The following SH3KBP1 variants were observed in gnomAD, a reference collection of about 807,000 sequenced individuals.
The protein encoded by SH3KBP1 is SH3 domain containing kinase binding protein 1.
In SH3KBP1, 8 loss-of-function variants were observed where a neutral mutation model predicts 50.1. The observed-to-expected ratio is 0.16, with a 90% CI of 0.09 to 0.29. The LOEUF (loss-of-function observed/expected upper bound fraction) is 0.29, where lower values mean the gene tolerates loss of function less well. Among genes scored for constraint, SH3KBP1 ranks in the 10% least tolerant of loss-of-function variants. The pLI is 1.00. For missense variants in SH3KBP1, 377 were observed against 535.2 expected (o/e 0.70, Z 2.92); for synonymous variants, 227 against 218.6 (o/e 1.04, Z -0.34).
chrX:19,542,511 A>G (rs2064950648), intron 15 of SH3KBP1, among the ~76,000 whole-genome samples: 1 of 112,077 alleles, frequency 8.9e-6, no homozygotes, highest in African/African-American at 3.2e-5. Flanking sequence ...ACATGCCTTA[A>G]TAGGCATTCT....
At chrX:19,732,644 T>C (rs1039860481) in intron 3 of SH3KBP1, among the ~76,000 whole-genome samples, 1 of 108,565 alleles carries the variant, frequency 9.2e-6, no homozygotes, top group African/African-American at 3.5e-5. Flanking sequence ...CACAGCGTTC[T>C]ATCCAAGCCA....
chrX:19,821,532 A>C (rs1187337577), intron 2 of SH3KBP1, among the ~76,000 whole-genome samples: 1 of 111,618 alleles, frequency 9.0e-6, no homozygotes, highest in African/African-American at 3.3e-5. Context: ...ATGTTTAAAA[A>C]ACTTTTTTTT....
intron 12 of SH3KBP1, among the ~76,000 whole-genome samples, chrX:19,581,853 T>TAA (rs35059308): frequency 9.4e-4 from 71 of 75,614 alleles, no homozygotes; most frequent in African/African-American, 3.2e-3. Context: ...ACTACAGGTT[T>TAA]AAAAAAAAAA....
chrX:19,554,223 TC>T (rs1163166964), intron 13 of SH3KBP1, among the ~76,000 whole-genome samples: 1,071 of 76,930 alleles, frequency 0.014, 25 homozygotes, highest in African/African-American at 0.06. Context: ...ATATTATATA[TC>T]ATATTAAAAT....
At chrX:19,710,592 TTATTA>T (rs1164627342) in intron 3 of SH3KBP1, among the ~76,000 whole-genome samples, 1 of 111,876 alleles carries the variant, frequency 8.9e-6, no homozygotes, top group African/African-American at 3.3e-5. Context: ...GTGTTGTATT[TTATTA>T]TTAGTGTTTT....
At chrX:19,764,578 G>A (rs905866297) in intron 2 of SH3KBP1, among the ~76,000 whole-genome samples, 4 of 111,357 alleles carry the variant, frequency 3.6e-5, no homozygotes, top group Admixed American at 9.6e-5. Context: ...GAAGGGAAAC[G>A]TTTTCTAAAA....
intron 12 of SH3KBP1, among the ~76,000 whole-genome samples, chrX:19,578,412 T>C (rs1374274474): frequency 8.9e-6 from 1 of 111,831 alleles, no homozygotes; most frequent in Non-Finnish European, 1.9e-5. Flanking sequence ...CTTCCTGCTC[T>C]CCTGGCTGCC....
At chrX:19,828,146 T>G (rs1603267992) in intron 2 of SH3KBP1, among the ~76,000 whole-genome samples, 1 of 111,639 alleles carries the variant, frequency 9.0e-6, no homozygotes, top group East Asian at 2.8e-4. Context: ...TTTCTCTTTT[T>G]TCTTTTCTGG....
intron 1 of SH3KBP1, among the ~76,000 whole-genome samples, chrX:19,870,536 G>T (rs1247690330): frequency 1.8e-5 from 2 of 111,658 alleles, no homozygotes; most frequent in Non-Finnish European, 3.8e-5. Flanking sequence ...AATAGAGACA[G>T]GGTATCGCCA....
rs1238838214 is a variant in SH3KBP1 at position 19,604,640 on chromosome X, G to A, written c.1005+3298C>T. On this transcript the variant is annotated intron_variant, in intron 9 of 17. Transcript: ENST00000397821. ...ACTCTAGCATTCACATAGTGCCTTC[G>A]TGTTAATGATTCTAATCATCTTCAC... Among the ~76,000 whole-genome samples, 4 of 111,495 alleles carry A rather than the reference G, an allele frequency of 3.6e-5. No homozygotes were observed. In the East Asian group the frequency reaches 1.1e-3, roughly 31 times the overall value.
chrX:19,603,952 C>T (rs781302925), intron 9 of SH3KBP1, among the ~76,000 whole-genome samples: 4 of 111,702 alleles, frequency 3.6e-5, no homozygotes, highest in Non-Finnish European at 7.5e-5. Flanking sequence ...CCTCCTAAAG[C>T]GCTGGGATTA....
intron 3 of SH3KBP1, among the ~76,000 whole-genome samples, chrX:19,745,232 C>T (rs1317646769): frequency 4.4e-5 from 5 of 112,393 alleles, no homozygotes; most frequent in East Asian, 2.8e-4. Context: ...TTTAACAAAA[C>T]GAGAAAAGAA....
chrX:19,863,997 C>A (rs997530446), intron 1 of SH3KBP1, among the ~76,000 whole-genome samples: 2 of 111,078 alleles, frequency 1.8e-5, no homozygotes, highest in Non-Finnish European at 3.8e-5. Context: ...TCATTCCTCG[C>A]TCGCTGGCCA....
At chrX:19,722,373 A>C in intron 3 of SH3KBP1, among the ~76,000 whole-genome samples, 1 of 111,397 alleles carries the variant, frequency 9.0e-6, no homozygotes, top group Non-Finnish European at 1.9e-5. Flanking sequence ...CCCTCCCCCA[A>C]CTCAGCCCTA....
intron 13 of SH3KBP1, among the ~76,000 whole-genome samples, chrX:19,554,724 T>G (rs1391251314): frequency 8.9e-6 from 1 of 111,990 alleles, no homozygotes; most frequent in African/African-American, 3.2e-5. Flanking sequence ...CTGCTAAGTT[T>G]AACTTTCCAT....
At chrX:19,630,964 T>A (rs748211700) in intron 8 of SH3KBP1, among the ~76,000 whole-genome samples, 4 of 111,606 alleles carry the variant, frequency 3.6e-5, no homozygotes, top group Non-Finnish European at 7.5e-5. Context: ...ACTCCCACTC[T>A]ATGCACCTGC....
intron 5 of SH3KBP1, among the ~76,000 whole-genome samples, chrX:19,692,689 A>T (rs190554132): frequency 0.056 from 4,197 of 74,869 alleles, 145 homozygotes; most frequent in East Asian, 0.091. Context: ...ATATATATAT[A>T]TTTTTTTTTT....
intron 3 of SH3KBP1, among the ~76,000 whole-genome samples, chrX:19,724,572 G>C: frequency 8.9e-6 from 1 of 112,238 alleles, no homozygotes; most frequent in Middle Eastern, 4.6e-3. Context: ...TGCCATTGTA[G>C]TGGTGAAAAC....
At chrX:19,703,696 CTGTGTGTGTGTGTGTGTGTGTGTG>C (rs56915755) in intron 4 of SH3KBP1, among the ~76,000 whole-genome samples, 103 of 63,499 alleles carry the variant, frequency 1.6e-3, no homozygotes, top group African/African-American at 4.7e-3. Flanking sequence ...AAAAGAGAAA[CTGTGTGTGTGTGTGTGTGTGTGTG>C]TGTGTGTGTG....
Sources: allele counts gnomAD v4.1 joint callset (sites outside exome capture counted in the v4.1 genomes callset), GRCh38; gene constraint gnomAD v4.1.1; transcripts MANE v1.5; gene names NCBI Gene and HGNC (gene_info 2026-07-23, HGNC 2026-07-21).